Variants in PCDH11X observed in about 807,000 individuals in gnomAD.
PCDH11X encodes the protein protocadherin 11 X-linked.
A neutral mutation model predicts 53.3 loss-of-function variants in PCDH11X; 18 were observed. The ratio of observed to expected loss-of-function variants is 0.34; its 90% CI spans 0.23 to 0.50. PCDH11X has a LOEUF of 0.50. PCDH11X is among the 20% of genes least tolerant of loss of function. The pLI is 0.98. For missense variants in PCDH11X, 570 were observed against 1,032.4 expected, an observed-to-expected ratio of 0.55 and a Z score of 6.14; for synonymous variants, 279 against 393.3, an observed-to-expected ratio of 0.71 and a Z score of 3.44.
At chrX:91,868,705 T>A (rs1187331374) in intron 5 of PCDH11X, among the ~76,000 whole-genome samples, 1 of 111,820 alleles carries the variant, frequency 8.9e-6, no homozygotes, top group Non-Finnish European at 1.9e-5. Flanking sequence ...TAATAAGCAA[T>A]CAGTTAGGTT....
chrX:92,579,888 G>A (rs1053312291), intron 10 of PCDH11X, among the ~76,000 whole-genome samples: 3 of 111,077 alleles, frequency 2.7e-5, no homozygotes, highest in Admixed American at 9.6e-5. Context: ...TATCTACCTC[G>A]GATCTTAGAG....
intron 9 of PCDH11X, among the ~76,000 whole-genome samples, chrX:92,442,170 T>C (rs1368653523): frequency 4.5e-5 from 5 of 111,287 alleles, no homozygotes; most frequent in African/African-American, 1.6e-4. Flanking sequence ...TTGCTTTTGA[T>C]TTTACACACT....
chrX:92,508,172 G>A (rs1364579767), intron 10 of PCDH11X, among the ~76,000 whole-genome samples: 2 of 109,925 alleles, frequency 1.8e-5, no homozygotes, highest in Non-Finnish European at 3.8e-5. Context: ...AGTATATATA[G>A]TGTTCAGTAC....
chrX:92,403,719 T>C (rs2148592025), intron 9 of PCDH11X, among the ~76,000 whole-genome samples: 1 of 111,392 alleles, frequency 9.0e-6, no homozygotes, highest in Non-Finnish European at 1.9e-5. Flanking sequence ...AATGTGTTTT[T>C]TCAAGGGCAA....
At chrX:92,164,585 A>G (rs2065700098) in intron 6 of PCDH11X, among the ~76,000 whole-genome samples, 1 of 111,937 alleles carries the variant, frequency 8.9e-6, no homozygotes, top group Non-Finnish European at 1.9e-5. Context: ...AACAAAGGCT[A>G]TTGCTTAAAA....
In PCDH11X at chrX:92,279,965, G is replaced by A. The variant is rs752718618; in HGVS notation, c.3144+16822G>A. ...GGTTGTTCCATAAGATTATAATATT[G>A]TATTTTTACTGTACCTTTTCTATTT... is the stretch of plus-strand genomic sequence containing the variant. On this transcript the variant is annotated intron_variant, in intron 8 of 10. Transcript: ENST00000682573. Among the ~76,000 whole-genome samples the A allele has an allele frequency of 1.2e-4, 13 of 111,949 alleles. No individual in the cohort carries two copies. In the East Asian group the frequency reaches 3.6e-3, roughly 31 times the overall value.
At chrX:92,387,562 G>A (rs2071035969) in intron 8 of PCDH11X, 173 bp from the exon 9 acceptor site, 1 of 610,779 alleles carries the variant, frequency 1.6e-6, no homozygotes, top group African/African-American at 2.5e-5. Context: ...TTCAGGTGAA[G>A]AAGGTTTGAA....
chrX:92,223,318 A>G (rs1273728137), intron 7 of PCDH11X, among the ~76,000 whole-genome samples: 1 of 111,921 alleles, frequency 8.9e-6, no homozygotes, highest in Non-Finnish European at 1.9e-5. Flanking sequence ...CAAAGCACCC[A>G]CCTGGCTTTT....
At chrX:92,158,913 C>T (rs1252270503) in intron 6 of PCDH11X, among the ~76,000 whole-genome samples, 3 of 111,872 alleles carry the variant, frequency 2.7e-5, no homozygotes, top group Non-Finnish European at 3.8e-5. Flanking sequence ...GGATTACAGG[C>T]GTGAGCCACT....
chrX:91,932,536 T>TGAAGAGAGGC (rs1475018955), intron 6 of PCDH11X, among the ~76,000 whole-genome samples: 4 of 98,322 alleles, frequency 4.1e-5, no homozygotes, highest in African/African-American at 3.7e-5. Context: ...GTGTTAAAGA[T>TGAAGAGAGGC]GAAGAGAGGC....
chrX:92,415,965 A>G (rs1300123195), intron 9 of PCDH11X, among the ~76,000 whole-genome samples: 1 of 111,805 alleles, frequency 8.9e-6, no homozygotes, highest in Non-Finnish European at 1.9e-5. Flanking sequence ...ACTTTGTATG[A>G]TTGGAAAAAT....
chrX:92,504,708 T>G (rs1049664949), intron 10 of PCDH11X, among the ~76,000 whole-genome samples: 4 of 112,351 alleles, frequency 3.6e-5, no homozygotes, highest in African/African-American at 9.7e-5. Flanking sequence ...TTTAAGTTCT[T>G]TGGGAAATCA....
chrX:91,833,088 C>A (rs961188685), intron 4 of PCDH11X, among the ~76,000 whole-genome samples: 4 of 100,121 alleles, frequency 4.0e-5, no homozygotes, highest in Non-Finnish European at 4.0e-5. Context: ...ACTTATAAGT[C>A]AGAATATCCT....
intron 6 of PCDH11X, among the ~76,000 whole-genome samples, chrX:92,121,981 G>GT (rs746833949): frequency 0.023 from 1,596 of 69,380 alleles, 43 homozygotes; most frequent in African/African-American, 0.065. Context: ...AGTCATTTCT[G>GT]TTTTTTTTTT....
At chrX:91,897,976 GACC>G (rs1446530347) in intron 6 of PCDH11X, among the ~76,000 whole-genome samples, 4 of 111,944 alleles carry the variant, frequency 3.6e-5, no homozygotes, top group African/African-American at 1.3e-4. Flanking sequence ...TTTAAAGACA[GACC>G]TTTTTTTTCC....
rs759708394 is a variant in PCDH11X, at chrX:92,014,625, G to A, written c.3033+135352G>A. Among the ~76,000 whole-genome samples the A allele has an allele frequency of 5.4e-5, 6 of 110,883 alleles. No individual in the cohort carries two copies. In the South Asian group the frequency reaches 2.3e-3, roughly 43 times the overall value. On this transcript the variant is annotated intron_variant, in intron 6 of 10. Transcript: ENST00000682573. ...GCACTATTCACAATAGCAAAGACTT[G>A]GAACAAAGCCAAATGTTCAACAATG...
intron 7 of PCDH11X, among the ~76,000 whole-genome samples, chrX:92,223,651 C>T (rs901362525): frequency 2.7e-5 from 3 of 111,710 alleles, no homozygotes; most frequent in Non-Finnish European, 5.6e-5. Flanking sequence ...ACCAATGTTG[C>T]GACTGACTCA....
intron 8 of PCDH11X, among the ~76,000 whole-genome samples, chrX:92,345,755 T>A (rs1349571059): frequency 9.0e-6 from 1 of 110,870 alleles, no homozygotes; most frequent in African/African-American, 3.3e-5. Context: ...CATTTGTTAT[T>A]TGAAGTTACT....
At chrX:92,201,007 G>A (rs2066381723) in intron 6 of PCDH11X, among the ~76,000 whole-genome samples, 1 of 110,294 alleles carries the variant, frequency 9.1e-6, no homozygotes, top group Non-Finnish European at 1.9e-5. Flanking sequence ...CAAAATGCTG[G>A]GCTCAAGTGA....
Sources: gnomAD v4.1 joint callset for allele counts (sites outside exome capture counted in the v4.1 genomes callset) on GRCh38, gnomAD v4.1.1 for gene constraint, MANE v1.5 for transcripts, NCBI Gene and HGNC (gene_info 2026-07-23, HGNC 2026-07-21) for gene names.